GATA3: variants seen among roughly 807,000 people sequenced by gnomAD.
GATA3 encodes the protein trans-acting T-cell-specific transcription factor GATA-3.
GATA3 carries 6 observed loss-of-function variants against 36.0 expected under a neutral mutation model. The ratio of observed to expected loss-of-function variants is 0.17; its 90% CI spans 0.09 to 0.33. GATA3 has a LOEUF of 0.33. GATA3 is among the 10% of genes least tolerant of loss of function. The pLI is 1.00. For missense variants in GATA3, 514 were observed against 610.1 expected, an observed-to-expected ratio of 0.84 and a Z score of 1.66; for synonymous variants, 326 against 273.0, an observed-to-expected ratio of 1.19 and a Z score of -1.92.
chr10:8,066,575 G>A (rs1274671062), intron 4 of GATA3, among the ~76,000 whole-genome samples: 1 of 151,558 alleles, frequency 6.6e-6, no homozygotes, highest in Non-Finnish European at 1.5e-5. Context: ...TGATACATTT[G>A]CAGATTCACT....
At chr10:8,051,173 A>T (rs752643568), upstream of GATA3, 3 of 482,904 alleles carry the variant, frequency 6.2e-6, no homozygotes, top group Non-Finnish European at 1.3e-5. Context: ...AGGGACTTGC[A>T]CGTGGGCATG....
upstream of GATA3, chr10:8,051,266 A>G (rs577569484): frequency 3.0e-6 from 1 of 338,862 alleles, no homozygotes; most frequent in Admixed American, 3.7e-5. Flanking sequence ...CCAAGAGGAC[A>G]CACATACCCC....
intron 5 of GATA3, 24 bp from the exon 6 acceptor site, chr10:8,073,715 A>C (rs962783117): frequency 6.3e-7 from 1 of 1,594,338 alleles, no homozygotes; most frequent in Non-Finnish European, 8.5e-7. Flanking sequence ...TAAAAAAAAA[A>C]AAAAAAAATT....
chr10:8,052,985 C>T (rs1832539738), upstream of GATA3: 1 of 151,090 alleles, frequency 6.6e-6, no homozygotes, highest in Admixed American at 6.6e-5. Flanking sequence ...AAACAAACAT[C>T]AGATTTAAGA....
intron 5 of GATA3, among the ~76,000 whole-genome samples, chr10:8,070,803 C>T (rs1264074850): frequency 6.6e-6 from 1 of 152,214 alleles, no homozygotes; most frequent in African/African-American, 2.4e-5. Context: ...TGCCAACTCT[C>T]TCGCTGTGGC....
upstream of GATA3, chr10:8,050,877 C>A (rs926300566): frequency 2.2e-6 from 1 of 450,428 alleles, no homozygotes. Context: ...GGACTTCGAC[C>A]CCGGGGCTCC....
intron 5 of GATA3, among the ~76,000 whole-genome samples, chr10:8,070,664 G>A (rs1832917295): frequency 6.6e-6 from 1 of 152,104 alleles, no homozygotes; most frequent in Non-Finnish European, 1.5e-5. Flanking sequence ...TGGGGAGGAA[G>A]CTTTTCTGGT....
chr10:8,052,897 C>CGGGGG (rs10666221), upstream of GATA3: 17 of 57,262 alleles, frequency 3.0e-4, no homozygotes, highest in African/African-American at 4.7e-4. Context: ...AGAAACGTGG[C>CGGGGG]GGGGGGGGGG....
At chr10:8,069,629 C>G (rs1464860039) in intron 5 of GATA3, 31 bp downstream of exon 5, 2 of 1,613,436 alleles carry the variant, frequency 1.2e-6, no homozygotes, top group African/African-American at 2.7e-5. Context: ...AAGAACAGGG[C>G]TCGCTTCCTG....
intron 2 of GATA3, among the ~76,000 whole-genome samples, chr10:8,056,470 T>C (rs1832641446): frequency 6.6e-6 from 1 of 152,232 alleles, no homozygotes; most frequent in Admixed American, 6.5e-5. Flanking sequence ...TTCCCAGAGC[T>C]AGTGCCTTTG....
rs1358097529 is a variant in GATA3, at chr10:8,055,584, C to G, written c.-72C>G. On this transcript the variant is annotated 5_prime_UTR_variant, in exon 2 of 6. Coordinates refer to ENST00000379328, the MANE Select transcript of GATA3 (RefSeq NM_001002295.2). This position sits in a 1 kb window ranked among gnomAD's most constrained non-coding sequence, Gnocchi z 5.4. ...CCGACGGCAGGAGCCCCCCGACCTC[C>G]CAGGCGGACCGCCCTCCCTCCCCGC... 2.6e-6 allele frequency: 4 copies of G among 1,524,060 alleles called. No homozygotes were observed. Among genetic ancestry groups the G allele is most frequent in the East Asian group, 4.9e-5 (2 of 40,526 alleles). The allele number at this position is 1,524,060 out of a possible 1,614,324, so 94.4% of individuals were successfully genotyped here. A position where few individuals can be genotyped will look rare whatever the true frequency, so the allele number is the denominator to read the frequency against.
intron 2 of GATA3, 147 bp downstream of exon 2, chr10:8,056,043 G>A (rs775008295): frequency 9.0e-7 from 1 of 1,109,084 alleles, no homozygotes; most frequent in Non-Finnish European, 1.3e-6. Context: ...ATTGGGGCCC[G>A]GAAATGGGCG....
chr10:8,058,534 G>C lies in GATA3; in HGVS notation c.471G>C (p.Pro157=), dbSNP rs748832905. 4.0e-6 allele frequency: 6 copies of C among 1,515,572 alleles called. No homozygotes were observed. The African/African-American group carries it at 5.6e-5, about 14-fold the overall frequency. The allele number at this position is 1,515,572 out of a possible 1,614,324, so 93.9% of individuals were successfully genotyped here. A position where few individuals can be genotyped will look rare whatever the true frequency, so the allele number is the denominator to read the frequency against. The stretch of plus-strand genomic sequence containing the variant: ...ACCTCTTCACCTTCCCGCCCACCCC[G>C]CCGAAGGACGTCTCCCCGGACCCAT... The part of the protein sequence containing the change: ...SPHLFTFPPT[P]PKDVSPDPSL... Residue 157 remains proline, a synonymous_variant, in exon 3 of 6, where the codon CCG becomes CCC. Coordinates refer to ENST00000379328, the MANE Select transcript of GATA3 (RefSeq NM_001002295.2).
At chr10:8,070,072 G>A (rs1261537931) in intron 5 of GATA3, among the ~76,000 whole-genome samples, 1 of 152,156 alleles carries the variant, frequency 6.6e-6, no homozygotes, top group African/African-American at 2.4e-5. Context: ...AAAAAGTCTT[G>A]GCTAAATCTG....
chr10:8,050,197 G>A (rs969195191), upstream of GATA3, among the ~76,000 whole-genome samples: 1 of 152,250 alleles, frequency 6.6e-6, no homozygotes, highest in African/African-American at 2.4e-5. Context: ...GCGTACTGCG[G>A]CGGGCGCAGG....
rs1263641028 is a variant in GATA3 at position 8,065,864 on chromosome 10, T to C, written c.924+1726T>C. Among the ~76,000 whole-genome samples the C allele has an allele frequency of 1.5e-4, 11 of 75,252 alleles. No individual in the cohort carries two copies. In the Admixed American group the frequency reaches 1.6e-3, roughly 11 times the overall value. 49.4% of individuals were successfully genotyped at this position (75,252 alleles called of 152,430 possible). A position where few individuals can be genotyped will look rare whatever the true frequency, so the allele number is the denominator to read the frequency against. ...TGAACGTATCAGAACAAGAAGTGTT[T>C]GAAAAAAAAAAAAAAAAAAGGCTAG... is the stretch of plus-strand genomic sequence containing the variant. On this transcript the variant is annotated intron_variant, in intron 4 of 5. Transcript: ENST00000379328.
rs575374217 is a variant in GATA3, at chr10:8,058,484, T to A, written c.421T>A (p.Leu141Met). The A allele has an allele frequency of 6.2e-7, 1 of 1,612,502 alleles. No individual in the cohort carries two copies. Among genetic ancestry groups the A allele is most frequent in the South Asian group, 1.1e-5 (1 of 91,030 alleles). ...CTACCCCCCGGCCTCGTCCTCCTCC[T>A]TGTCGGGGGGCCACGCCAGCCCGCA... ...SVYPPASSSS[L>M]SGGHASPHLF... The change falls in exon 3 of 6, where the codon TTG becomes ATG. Residue 141 changes from leucine to methionine, a missense_variant. Physicochemically the swap from Leu to Met is conservative, Grantham distance 15. Coordinates refer to ENST00000379328, the MANE Select transcript of GATA3 (RefSeq NM_001002295.2).
Position 8,055,924 on chromosome 10 carries a change from C to T in GATA3, c.241+28C>T, listed in dbSNP as rs1265477807. 1.3e-6 allele frequency: 2 copies of T among 1,550,160 alleles called. No homozygotes were observed. The highest frequency in any genetic ancestry group is 2.4e-5 in the East Asian group (1 of 40,926). On this transcript the variant is annotated intron_variant, in intron 2 of 5. Coordinates refer to ENST00000379328, the MANE Select transcript of GATA3 (RefSeq NM_001002295.2). The surrounding 1 kb of genome is among the most constrained non-coding windows in gnomAD (Gnocchi z 5.4). ...GAGTGCGCCCGGGGTGCCGGGGCTC[C>T]CGCCGGCCGCTTCAGCCGTCCCGGC...
rs930179797 is a variant in GATA3 at position 8,074,308 on chromosome 10, C to T, written c.*285C>T. On this transcript the variant is annotated 3_prime_UTR_variant, in exon 6 of 6. Coordinates refer to ENST00000379328, the MANE Select transcript of GATA3 (RefSeq NM_001002295.2). ...AAAAAATGCTGAACATTGCATATAA[C>T]TTATATTGTAAGAAATACTGTACAA... 1.1e-5 allele frequency: 5 copies of T among 451,730 alleles called. No individual in the cohort carries two copies. Among genetic ancestry groups the T allele is most frequent in the African/African-American group, 2.0e-5 (1 of 51,244 alleles). The allele number at this position is 451,730 out of a possible 1,614,324, so 28.0% of individuals were successfully genotyped here.
Sources: gnomAD v4.1 joint callset for allele counts (sites outside exome capture counted in the v4.1 genomes callset) on GRCh38, gnomAD v4.1.1 for gene constraint, Gnocchi (gnomAD v3.1) non-coding constraint, MANE v1.5 for transcripts, NCBI Gene and HGNC (gene_info 2026-07-23, HGNC 2026-07-21) for gene names.